Variants in GLI3 observed in about 807,000 individuals in gnomAD.
GLI3 encodes transcription activator GLI3.
GLI3 carries 20 observed loss-of-function variants against 100.8 expected under a neutral mutation model. The ratio of observed to expected loss-of-function variants is 0.20; its 90% CI spans 0.14 to 0.29. The LOEUF is 0.29. Among genes scored for constraint, GLI3 ranks in the 10% least tolerant of loss-of-function variants. The pLI is 1.00. For synonymous variants in GLI3, 938 were observed against 860.5 expected (o/e 1.09, Z -1.58); for missense variants, 2,040 against 2,128.5 (o/e 0.96, Z 0.82).
chr7:42,221,900 A>C (rs1254117147), intron 2 of GLI3, among the ~76,000 whole-genome samples: 1 of 152,214 alleles, frequency 6.6e-6, no homozygotes, highest in Non-Finnish European at 1.5e-5. Flanking sequence ...ATATATGTAA[A>C]TTCATTATTT....
chr7:42,000,068 G>A (rs530107121), intron 10 of GLI3, among the ~76,000 whole-genome samples: 1 of 152,338 alleles, frequency 6.6e-6, no homozygotes, highest in South Asian at 2.1e-4. Flanking sequence ...ACTGGTTCAG[G>A]CTGAGCCAAG....
At chr7:42,238,002 C>G (rs1187726604), upstream of GLI3, 1 of 154,702 alleles carries the variant, frequency 6.5e-6, no homozygotes, top group Admixed American at 6.5e-5. Context: ...CCGCCGCCGC[C>G]GCCTCCTCCT....
intron 3 of GLI3, among the ~76,000 whole-genome samples, chr7:42,084,463 G>A (rs1457330886): frequency 1.3e-5 from 2 of 152,212 alleles, no homozygotes. Flanking sequence ...GCCCAGTGGT[G>A]GAAAGAAAAC....
chr7:42,108,701 C>T (rs1026248683), intron 3 of GLI3, among the ~76,000 whole-genome samples: 8 of 151,964 alleles, frequency 5.3e-5, no homozygotes, highest in African/African-American at 1.9e-4. Flanking sequence ...GCCACACACA[C>T]AAATAGATTC....
At position 41,967,883 on chromosome 7, in the gene GLI3, C is replaced by T. The variant is rs748444497; in HGVS notation, c.2144G>A (p.Ser715Asn). 6.8e-6 allele frequency: 11 copies of T among 1,614,118 alleles called. No homozygotes were observed. In the Admixed American group the frequency reaches 1.8e-4, roughly 27 times the overall value. The change falls in exon 14 of 15, where the codon AGC becomes AAC. Residue 715 changes from serine to asparagine, a missense_variant. Ser to Asn is a conservative substitution (Grantham distance 46). Transcript: ENST00000395925. ...ATAGTTGCTGATGGGGGACTGTTGG[C>T]TGCTGCATGAAGACTGACCACCAGG... ...PSPGGQSSCS[S>N]QQSPISNYSN...
intron 13 of GLI3, among the ~76,000 whole-genome samples, chr7:41,968,483 G>A (rs898916926): frequency 1.4e-4 from 21 of 151,904 alleles, no homozygotes; most frequent in African/African-American, 3.1e-4. Context: ...TAAGATATGC[G>A]CCATCAGCAC....
chr7:42,016,032 G>A (rs1256631044), intron 10 of GLI3, among the ~76,000 whole-genome samples: 4 of 152,074 alleles, frequency 2.6e-5, no homozygotes, highest in Non-Finnish European at 5.9e-5. Context: ...GAGGGAATGC[G>A]CAGGACAGCC....
chr7:42,107,108 G>C (rs867564935), intron 3 of GLI3, among the ~76,000 whole-genome samples: 156 of 152,136 alleles, frequency 1.0e-3, no homozygotes, highest in African/African-American at 3.5e-3. Flanking sequence ...TTGAGCCCAG[G>C]AGTTTGAGAC....
chr7:42,062,895 C>T (rs928453429), intron 4 of GLI3, among the ~76,000 whole-genome samples: 1 of 152,094 alleles, frequency 6.6e-6, no homozygotes, highest in African/African-American at 2.4e-5. Flanking sequence ...ATTTACACTG[C>T]AATATTGGTA....
chr7:42,018,137 C>A (rs1035160536), intron 10 of GLI3, among the ~76,000 whole-genome samples: 1 of 152,126 alleles, frequency 6.6e-6, no homozygotes, highest in Admixed American at 6.5e-5. Flanking sequence ...CTGAGTGTCT[C>A]TTTATGGGAA....
chr7:42,109,681 G>A (rs1785659300), intron 3 of GLI3, among the ~76,000 whole-genome samples: 1 of 152,136 alleles, frequency 6.6e-6, no homozygotes, highest in Admixed American at 6.5e-5. Context: ...CTAACCTCTG[G>A]GACGAGAGGT....
intron 10 of GLI3, 79 bp downstream of exon 10, chr7:42,023,389 G>A: frequency 1.4e-6 from 2 of 1,457,026 alleles, no homozygotes; most frequent in South Asian, 2.3e-5. Context: ...ACTTGACTCA[G>A]CTCAGGGTCA....
At chr7:42,175,761 A>G (rs1327154587) in intron 2 of GLI3, among the ~76,000 whole-genome samples, 4 of 152,238 alleles carry the variant, frequency 2.6e-5, no homozygotes, top group Non-Finnish European at 5.9e-5. Context: ...CTTGCATACC[A>G]TGATGTATAA....
At chr7:42,122,552 T>C (rs1198957785) in intron 3 of GLI3, among the ~76,000 whole-genome samples, 1 of 152,144 alleles carries the variant, frequency 6.6e-6, no homozygotes, top group Non-Finnish European at 1.5e-5. Flanking sequence ...CTGAAGCAGG[T>C]ACTTGGTGTC....
At chr7:42,207,566 G>A (rs866688758) in intron 2 of GLI3, among the ~76,000 whole-genome samples, 17 of 152,094 alleles carry the variant, frequency 1.1e-4, no homozygotes, top group African/African-American at 3.9e-4. Context: ...TGTAGTCAAA[G>A]CACACAGTTT....
chr7:42,140,998 C>T lies in GLI3; in HGVS notation c.367+7228G>A, dbSNP rs1015269917. 4.6e-5 allele frequency among the ~76,000 whole-genome samples: 7 copies of T among 152,192 alleles called. No individual in the cohort carries two copies. The East Asian group carries it at 1.2e-3, about 25-fold the overall frequency. Reference sequence around the variant, plus strand: ...ATCACAAGCAACTACTAAAAAAGTGCCATTTGGGTGGGTGCCAAATTAGAA... The same window carrying T: ...ATCACAAGCAACTACTAAAAAAGTGTCATTTGGGTGGGTGCCAAATTAGAA... On this transcript the variant is annotated intron_variant, in intron 3 of 14. Coordinates refer to ENST00000395925, the MANE Select transcript of GLI3 (RefSeq NM_000168.6).
chr7:42,064,357 T>C (rs1435031830), intron 4 of GLI3, among the ~76,000 whole-genome samples: 1 of 152,188 alleles, frequency 6.6e-6, no homozygotes, highest in African/African-American at 2.4e-5. Context: ...GATCATTTAA[T>C]TAATTTATTT....
intron 7 of GLI3, among the ~76,000 whole-genome samples, chr7:42,038,857 CT>C (rs997323329): frequency 1.3e-4 from 20 of 152,166 alleles, no homozygotes; most frequent in African/African-American, 4.8e-4. Flanking sequence ...ACTGCAAACA[CT>C]TTTTTTTCTG....
At chr7:42,194,757 CTCTT>C (rs1787893942) in intron 2 of GLI3, among the ~76,000 whole-genome samples, 1 of 81,856 alleles carries the variant, frequency 1.2e-5, no homozygotes, top group Admixed American at 1.1e-4. Flanking sequence ...CTCTCTCTGT[CTCTT>C]TTTTTTTTTT....
Sources: gnomAD v4.1 joint callset for allele counts (sites outside exome capture counted in the v4.1 genomes callset) on GRCh38, gnomAD v4.1.1 for gene constraint, MANE v1.5 for transcripts, NCBI Gene and HGNC (gene_info 2026-07-23, HGNC 2026-07-21) for gene names.